Variants in CACNB4 observed in about 807,000 individuals in gnomAD.
The protein encoded by CACNB4 is voltage-dependent L-type calcium channel subunit beta-4.
In CACNB4, 32 loss-of-function variants were observed where a neutral mutation model predicts 71.2. The ratio of observed to expected loss-of-function variants is 0.45; its 90% CI spans 0.34 to 0.60. CACNB4 has a LOEUF of 0.60. Ranked by LOEUF, CACNB4 falls within the 20% of genes least tolerant of loss-of-function variation. The pLI is 0.01. For synonymous variants in CACNB4, 231 were observed against 236.9 expected, an observed-to-expected ratio of 0.97 and a Z score of 0.23; for missense variants, 464 against 647.9, an observed-to-expected ratio of 0.72 and a Z score of 3.08.
At chr2:152,071,201 T>A (rs185735718) in intron 2 of CACNB4, among the ~76,000 whole-genome samples, 2 of 152,378 alleles carry the variant, frequency 1.3e-5, no homozygotes, top group African/African-American at 4.8e-5. Context: ...AATATCTAAG[T>A]TCTCTTCTGT....
intron 2 of CACNB4, among the ~76,000 whole-genome samples, chr2:151,895,747 ATATT>A (rs2099851898): frequency 6.6e-6 from 1 of 152,144 alleles, no homozygotes; most frequent in Non-Finnish European, 1.5e-5. Context: ...GTGACATTAA[ATATT>A]AATAATCACT....
chr2:151,881,557 C>T (rs150295440), intron 3 of CACNB4, among the ~76,000 whole-genome samples: 2 of 152,218 alleles, frequency 1.3e-5, no homozygotes, highest in Non-Finnish European at 2.9e-5. Flanking sequence ...TGTGGGGACA[C>T]GTAAACCACC....
chr2:152,086,647 G>GT (rs544496310), intron 2 of CACNB4, among the ~76,000 whole-genome samples: 76 of 152,324 alleles, frequency 5.0e-4, no homozygotes, highest in African/African-American at 1.7e-3. Context: ...ATTTTGAATT[G>GT]TAAGTACCCA....
At chr2:152,060,532 T>C (rs781328851) in intron 2 of CACNB4, among the ~76,000 whole-genome samples, 1 of 152,190 alleles carries the variant, frequency 6.6e-6, no homozygotes, top group African/African-American at 2.4e-5. Context: ...TAAAAAAGCA[T>C]ACAATCTACA....
At chr2:152,040,730 C>T (rs1005233133) in intron 2 of CACNB4, among the ~76,000 whole-genome samples, 1 of 152,182 alleles carries the variant, frequency 6.6e-6, no homozygotes, top group African/African-American at 2.4e-5. Flanking sequence ...CGTGAGCCAC[C>T]GTTTCCAGCC....
At chr2:151,906,750 C>T (rs2099854917) in intron 2 of CACNB4, among the ~76,000 whole-genome samples, 1 of 152,216 alleles carries the variant, frequency 6.6e-6, no homozygotes, top group African/African-American at 2.4e-5. Context: ...TCTCCCTCCA[C>T]ATCCTATCAG....
Position 152,003,940 on chromosome 2 carries a change from G to C in CACNB4, c.147+94390C>G, listed in dbSNP as rs183666921. ...GCTCACTGCAGCCTTAAACTTCTGGGGTCAAGCAATCCTCTCACCTCTGCC... is the reference window on the plus strand; with the variant it reads ...GCTCACTGCAGCCTTAAACTTCTGGCGTCAAGCAATCCTCTCACCTCTGCC... On this transcript the variant is annotated intron_variant, in intron 2 of 13. Coordinates refer to ENST00000539935, the MANE Select transcript of CACNB4 (RefSeq NM_000726.5). Among the ~76,000 whole-genome samples, 10 of 152,152 alleles carry C rather than the reference G, an allele frequency of 6.6e-5. No homozygotes were observed. In the South Asian group the frequency reaches 1.0e-3, roughly 16 times the overall value.
intron 2 of CACNB4, among the ~76,000 whole-genome samples, chr2:151,959,155 C>T (rs577271582): frequency 6.6e-6 from 1 of 152,284 alleles, no homozygotes; most frequent in African/African-American, 2.4e-5. Context: ...ATAATGGACA[C>T]TTTTTATACT....
At chr2:152,002,037 G>A (rs1251973352) in intron 2 of CACNB4, among the ~76,000 whole-genome samples, 1 of 152,152 alleles carries the variant, frequency 6.6e-6, no homozygotes, top group Admixed American at 6.5e-5. Context: ...GTCTTCACAT[G>A]CCACACACCC....
chr2:152,035,649 CTCTA>C (rs1490326824), intron 2 of CACNB4, among the ~76,000 whole-genome samples: 1,239 of 116,296 alleles, frequency 0.011, 28 homozygotes, highest in African/African-American at 0.048. Context: ...CTCTCTCTCT[CTCTA>C]TATATATATA....
intron 2 of CACNB4, among the ~76,000 whole-genome samples, chr2:151,947,771 C>T (rs1206691022): frequency 6.6e-6 from 1 of 152,120 alleles, no homozygotes; most frequent in Non-Finnish European, 1.5e-5. Context: ...TGCCCCGGAG[C>T]CCAGCAGAAA....
intron 2 of CACNB4, among the ~76,000 whole-genome samples, chr2:152,072,419 G>A (rs963811196): frequency 6.6e-6 from 1 of 152,216 alleles, no homozygotes; most frequent in Non-Finnish European, 1.5e-5. Flanking sequence ...AGCAATTTAA[G>A]AGTATAATTA....
At chr2:152,008,189 T>C (rs1682842407) in intron 2 of CACNB4, among the ~76,000 whole-genome samples, 1 of 152,122 alleles carries the variant, frequency 6.6e-6, no homozygotes, top group South Asian at 2.1e-4. Context: ...TAACACTTGT[T>C]CTTTTTTTTT....
At chr2:152,072,205 G>T (rs1686733108) in intron 2 of CACNB4, among the ~76,000 whole-genome samples, 1 of 152,232 alleles carries the variant, frequency 6.6e-6, no homozygotes, top group African/African-American at 2.4e-5. Context: ...CCAGAGAAGT[G>T]ACTTTTGAGC....
chr2:151,939,902 A>G (rs2099863816), intron 2 of CACNB4, among the ~76,000 whole-genome samples: 2 of 152,222 alleles, frequency 1.3e-5, no homozygotes, highest in Admixed American at 1.3e-4. Context: ...CATATTTCTT[A>G]AAGAAAAAAA....
At chr2:152,039,039 A>G (rs907985925) in intron 2 of CACNB4, among the ~76,000 whole-genome samples, 2 of 152,238 alleles carry the variant, frequency 1.3e-5, no homozygotes. Flanking sequence ...CAGCATTTAA[A>G]GAAAATGGTT....
At chr2:151,948,566 T>A (rs1333987970) in intron 2 of CACNB4, among the ~76,000 whole-genome samples, 1 of 151,352 alleles carries the variant, frequency 6.6e-6, no homozygotes, top group Non-Finnish European at 1.5e-5. Flanking sequence ...GAAGCTGAGG[T>A]GGGAGAATCA....
intron 2 of CACNB4, among the ~76,000 whole-genome samples, chr2:151,947,668 G>A (rs897483808): frequency 1.3e-5 from 2 of 152,150 alleles, no homozygotes; most frequent in African/African-American, 2.4e-5. Flanking sequence ...CTGCGAGGTC[G>A]TCCGGGTCTG....
intron 2 of CACNB4, among the ~76,000 whole-genome samples, chr2:152,066,439 A>G (rs1406191674): frequency 6.6e-6 from 1 of 152,044 alleles, no homozygotes; most frequent in Non-Finnish European, 1.5e-5. Flanking sequence ...CAAAACCACA[A>G]TGAGATACCA....
Sources: gnomAD v4.1 joint callset for allele counts (sites outside exome capture counted in the v4.1 genomes callset) on GRCh38, gnomAD v4.1.1 for gene constraint, MANE v1.5 for transcripts, NCBI Gene and HGNC (gene_info 2026-07-23, HGNC 2026-07-21) for gene names.